The following SLC36A3 variants were observed in gnomAD, a reference collection of about 807,000 sequenced individuals.
The protein encoded by SLC36A3 is solute carrier family 36 member 3.
SLC36A3 carries 35 observed loss-of-function variants against 44.3 expected under a neutral mutation model. The observed-to-expected ratio is 0.79, with a 90% CI of 0.60 to 1.05. The LOEUF is 1.05. Among genes scored for constraint, SLC36A3 ranks in the 50% least tolerant of loss-of-function variants. The pLI is 0.00. For missense variants in SLC36A3, 540 were observed against 578.7 expected, an observed-to-expected ratio of 0.93 and a Z score of 0.69; for synonymous variants, 211 against 227.6, an observed-to-expected ratio of 0.93 and a Z score of 0.66.
Position 151,288,413 on chromosome 5 carries a change from A to G in SLC36A3, c.462T>C (p.Phe154=), listed in dbSNP as rs138519576. The G allele has an allele frequency of 3.5e-5, 56 of 1,603,074 alleles. No homozygotes were observed. The highest frequency in any genetic ancestry group is 4.4e-5 in the Non-Finnish European group (52 of 1,174,540). The change falls in exon 5 of 10, where the codon TTT becomes TTC. Residue 154 remains phenylalanine (F), a synonymous_variant. Transcript: ENST00000335230. Reference sequence around the variant, plus strand: ...GTTGTAAATTGTCTGCCATAAACATAAAATAAACACTGCAGAAGCCCAGCT... The same window carrying G: ...GTTGTAAATTGTCTGCCATAAACATGAAATAAACACTGCAGAAGCCCAGCT... ...ITQLGFCSVY[F]MFMADNLQQM...
Position 151,277,466 on chromosome 5 carries a change from GT to G in SLC36A3, c.1339del (p.Thr447HisfsTer31), listed in dbSNP as rs771501591. On this transcript the variant is annotated frameshift_variant, in exon 10 of 10. Coordinates refer to ENST00000335230, the MANE Select transcript of SLC36A3 (RefSeq NM_181774.4). LOFTEE classifies it low-confidence loss of function (END_TRUNC). ...GGGCAACTCATAGAGGGCTTGGTAT[GT>G]CCCAAATATACACCCTAAAAGGCCC... ...IVGLLGCIFG[T>X]YQALYELPQP... 16 of 1,614,074 alleles carry G rather than the reference GT, an allele frequency of 9.9e-6. No individual in the cohort carries two copies. The highest frequency in any genetic ancestry group is 3.3e-4 in the Middle Eastern group (2 of 6,084).
At chr5:151,288,603 A>T (rs1210436415) in intron 4 of SLC36A3, 133 bp from the exon 5 acceptor site, 1 of 751,376 alleles carries the variant, frequency 1.3e-6, no homozygotes, top group Non-Finnish European at 2.0e-6. Context: ...TTATTTTGAA[A>T]AATTTTTAAG....
intron 2 of SLC36A3, 191 bp from the exon 3 acceptor site, chr5:151,296,459 C>T (rs1754963609): frequency 1.6e-6 from 1 of 610,108 alleles, no homozygotes; most frequent in East Asian, 2.8e-5. Context: ...TGTAGAGTGG[C>T]TGCCCAACTT....
At chr5:151,293,192 G>T (rs187066137) in intron 4 of SLC36A3, among the ~76,000 whole-genome samples, 172 bp downstream of exon 4, 3 of 152,186 alleles carry the variant, frequency 2.0e-5, no homozygotes, top group Non-Finnish European at 4.4e-5. Context: ...AGGTTTCAAT[G>T]ATTACCTTAT....
At chr5:151,285,696 A>G (rs1754509916) in intron 6 of SLC36A3, among the ~76,000 whole-genome samples, 1 of 152,050 alleles carries the variant, frequency 6.6e-6, no homozygotes, top group Non-Finnish European at 1.5e-5. Context: ...TAAAACAAGG[A>G]GATGATCCTG....
At chr5:151,290,032 G>A (rs1427094049) in intron 4 of SLC36A3, among the ~76,000 whole-genome samples, 2 of 151,478 alleles carry the variant, frequency 1.3e-5, no homozygotes, top group Admixed American at 1.3e-4. Context: ...TTATTAGCTG[G>A]TTTTTAAGAG....
chr5:151,292,844 C>T (rs1754807328), intron 4 of SLC36A3, among the ~76,000 whole-genome samples: 1 of 152,036 alleles, frequency 6.6e-6, no homozygotes, highest in Non-Finnish European at 1.5e-5. Flanking sequence ...ATTAACCAGG[C>T]GTGGTGGTGG....
In SLC36A3 at chr5:151,277,775, A is replaced by C. The variant is rs572851918; in HGVS notation, c.1145-114T>G. ...AGACCACTTTGGAGAGGTGGGAGGGAGCCTACTGCAGGCTTGGGGAGGTCA... is the reference window on the plus strand; with the variant it reads ...AGACCACTTTGGAGAGGTGGGAGGGCGCCTACTGCAGGCTTGGGGAGGTCA... On this transcript the variant is annotated intron_variant, in intron 9 of 9. Transcript: ENST00000335230. The C allele has an allele frequency of 3.8e-6, 5 of 1,329,564 alleles. No homozygotes were observed. The Admixed American group carries it at 9.1e-5, about 24-fold the overall frequency. The allele number at this position is 1,329,564 out of a possible 1,614,324, so 82.4% of individuals were successfully genotyped here. A position where few individuals can be genotyped will look rare whatever the true frequency, so the allele number is the denominator to read the frequency against.
At chr5:151,286,655 G>GT (rs1490123215) in intron 6 of SLC36A3, among the ~76,000 whole-genome samples, 1 of 151,978 alleles carries the variant, frequency 6.6e-6, no homozygotes, top group Non-Finnish European at 1.5e-5. Flanking sequence ...TATTTTTAGT[G>GT]TTTTTTTCTC....
At chr5:151,290,543 A>T (rs1397085751) in intron 4 of SLC36A3, among the ~76,000 whole-genome samples, 1 of 152,150 alleles carries the variant, frequency 6.6e-6, no homozygotes, top group Admixed American at 6.6e-5. Context: ...TCACACACAT[A>T]CTGAATTTGT....
At chr5:151,294,200 C>T (rs1580820781) in intron 3 of SLC36A3, among the ~76,000 whole-genome samples, 1 of 152,216 alleles carries the variant, frequency 6.6e-6, no homozygotes, top group Admixed American at 6.5e-5. Context: ...CCCCAGTTTT[C>T]TTCACATGCA....
At chr5:151,289,942 A>G (rs1754693493) in intron 4 of SLC36A3, among the ~76,000 whole-genome samples, 1 of 152,152 alleles carries the variant, frequency 6.6e-6, no homozygotes, top group African/African-American at 2.4e-5. Flanking sequence ...TGGTTTTACC[A>G]CTCACTGATG....
chr5:151,290,481 C>T (rs1231562800), intron 4 of SLC36A3, among the ~76,000 whole-genome samples: 1 of 152,158 alleles, frequency 6.6e-6, no homozygotes, highest in Non-Finnish European at 1.5e-5. Context: ...TGTGCTCATC[C>T]CAGCTTCAAC....
At chr5:151,298,517 T>C in intron 2 of SLC36A3, 76 bp downstream of exon 2, 1 of 1,418,964 alleles carries the variant, frequency 7.0e-7, no homozygotes, top group Admixed American at 1.8e-5. Flanking sequence ...TTGATAACAG[T>C]GTGAAGGCCT....
rs775968235 is a variant in SLC36A3 at position 151,296,349 on chromosome 5, G to A, written c.220-81C>T. 3 of 1,203,734 alleles carry A rather than the reference G, an allele frequency of 2.5e-6. No homozygotes were observed. In the African/African-American group the frequency reaches 4.5e-5, roughly 18 times the overall value. 74.6% of individuals were successfully genotyped at this position (1,203,734 alleles called of 1,614,324 possible). On this transcript the variant is annotated intron_variant, in intron 2 of 9. Coordinates refer to ENST00000335230, the MANE Select transcript of SLC36A3 (RefSeq NM_181774.4). ...TGGCCCTCTCACAGTCTGCGTGCTG[G>A]GGCCTGTTGCATAATAAAACTGTCT...
chr5:151,281,767 G>A (rs1041456010), intron 8 of SLC36A3, among the ~76,000 whole-genome samples: 6 of 146,260 alleles, frequency 4.1e-5, no homozygotes, highest in African/African-American at 1.3e-4. Flanking sequence ...GCAGTGAGCC[G>A]AAATTGCACC....
At chr5:151,300,707 C>T (rs1755140954) in intron 1 of SLC36A3, among the ~76,000 whole-genome samples, 1 of 152,188 alleles carries the variant, frequency 6.6e-6, no homozygotes. Context: ...ATAGATGTTG[C>T]AAGCTCCCCT....
chr5:151,286,958 A>T (rs1452208733), intron 6 of SLC36A3, among the ~76,000 whole-genome samples: 2 of 152,184 alleles, frequency 1.3e-5, no homozygotes, highest in African/African-American at 2.4e-5. Context: ...GGCCCCTTGC[A>T]CAATGCCTGG....
chr5:151,278,712 C>T (rs180942969), intron 9 of SLC36A3, among the ~76,000 whole-genome samples: 69 of 152,290 alleles, frequency 4.5e-4, no homozygotes, highest in African/African-American at 1.6e-3. Flanking sequence ...CCAGTCCAAG[C>T]ATAAGAGAGA....
Sources: allele counts gnomAD v4.1 joint callset (sites outside exome capture counted in the v4.1 genomes callset), GRCh38; gene constraint gnomAD v4.1.1; transcripts MANE v1.5; gene names NCBI Gene and HGNC (gene_info 2026-07-23, HGNC 2026-07-21).